VPS13B: variants seen among roughly 807,000 people sequenced by gnomAD.
The protein encoded by VPS13B is vacuolar protein sorting 13 homolog B.
VPS13B carries 285 observed loss-of-function variants against 426.4 expected under a neutral mutation model. The ratio of observed to expected loss-of-function variants is 0.67; its 90% CI spans 0.61 to 0.74. The LOEUF is 0.74. Among genes scored for constraint, VPS13B ranks in the 30% least tolerant of loss-of-function variants. The pLI, the probability that VPS13B is intolerant of heterozygous loss-of-function variation, is 0.00. For missense variants in VPS13B, 4,537 were observed against 4,782.6 expected, an observed-to-expected ratio of 0.95 and a Z score of 1.51; for synonymous variants, 1,676 against 1,676.4, an observed-to-expected ratio of 1.00 and a Z score of 0.01.
At chr8:99,774,895 G>C (rs1010830529) in intron 40 of VPS13B, among the ~76,000 whole-genome samples, 2 of 152,278 alleles carry the variant, frequency 1.3e-5, no homozygotes, top group African/African-American at 4.8e-5. Flanking sequence ...ATAACCTAGT[G>C]CTCCAGAGTC....
At chr8:99,797,606 T>C (rs936780740) in intron 43 of VPS13B, among the ~76,000 whole-genome samples, 1 of 152,176 alleles carries the variant, frequency 6.6e-6, no homozygotes, top group Non-Finnish European at 1.5e-5. Flanking sequence ...TAAGAGTAGC[T>C]CCTGGTCACA....
At chr8:99,282,571 T>G (rs1819223252) in intron 19 of VPS13B, among the ~76,000 whole-genome samples, 1 of 152,192 alleles carries the variant, frequency 6.6e-6, no homozygotes, top group African/African-American at 2.4e-5. Flanking sequence ...TTGATTTTGG[T>G]CCACCATTAA....
intron 33 of VPS13B, among the ~76,000 whole-genome samples, chr8:99,639,350 T>TGGACAA (rs1829206956): frequency 6.6e-6 from 1 of 152,166 alleles, no homozygotes; most frequent in Non-Finnish European, 1.5e-5. Flanking sequence ...AAATGTCACT[T>TGGACAA]ATCTTGATGG....
chr8:99,445,708 G>A (rs1817883172), intron 23 of VPS13B, among the ~76,000 whole-genome samples: 1 of 151,570 alleles, frequency 6.6e-6, no homozygotes, highest in South Asian at 2.1e-4. Context: ...ATTTAATGAT[G>A]TAGTAAATCA....
chr8:99,707,223 C>T (rs1832530373), intron 36 of VPS13B, among the ~76,000 whole-genome samples: 1 of 152,136 alleles, frequency 6.6e-6, no homozygotes, highest in South Asian at 2.1e-4. Context: ...TGCACCCCAG[C>T]CCTGCTACTT....
chr8:99,778,875 TGTG>T lies in VPS13B; in HGVS notation c.7627_7629del (p.Val2543del), dbSNP rs1811870870. On this transcript the variant is annotated inframe_deletion, in exon 42 of 62. Transcript: ENST00000357162. ...AGTGCAGAAATGTCACTATGCAAAG[TGTG>T]GTGAAACCCTTCAGCATCTTCGGGC... The T allele has an allele frequency of 1.9e-6, 3 of 1,613,914 alleles. No individual in the cohort carries two copies. The African/African-American group carries it at 4.0e-5, about 22-fold the overall frequency.
chr8:99,832,047 G>A (rs183554204), intron 51 of VPS13B, among the ~76,000 whole-genome samples: 1 of 152,236 alleles, frequency 6.6e-6, no homozygotes, highest in Non-Finnish European at 1.5e-5. Context: ...GATCACTTGA[G>A]GTCAGGAGTT....
chr8:99,808,171 G>T (rs2130782213), intron 43 of VPS13B, among the ~76,000 whole-genome samples: 1 of 152,156 alleles, frequency 6.6e-6, no homozygotes, highest in Admixed American at 6.5e-5. Context: ...AATTATATGT[G>T]ATATGAAAGA....
intron 51 of VPS13B, among the ~76,000 whole-genome samples, chr8:99,826,913 A>G (rs1814721625): frequency 6.6e-6 from 1 of 152,162 alleles, no homozygotes; most frequent in Admixed American, 6.5e-5. Context: ...CATCCCAGGA[A>G]TAAAGTTGAC....
intron 27 of VPS13B, among the ~76,000 whole-genome samples, chr8:99,506,482 TATTA>T (rs962728420): frequency 6.6e-6 from 1 of 152,246 alleles, no homozygotes; most frequent in Non-Finnish European, 1.5e-5. Context: ...TCAGATAATT[TATTA>T]ATTTATTAAA....
At chr8:99,765,091 C>A (rs1447346404) in intron 39 of VPS13B, among the ~76,000 whole-genome samples, 1 of 151,994 alleles carries the variant, frequency 6.6e-6, no homozygotes, top group African/African-American at 2.4e-5. Context: ...ACTAAAAATA[C>A]AAAAATTAGC....
At chr8:99,169,491 G>T (rs893066628) in intron 15 of VPS13B, among the ~76,000 whole-genome samples, 4 of 151,848 alleles carry the variant, frequency 2.6e-5, no homozygotes, top group Non-Finnish European at 5.9e-5. Flanking sequence ...GTTTTCTGGG[G>T]TTTAAAACCT....
At chr8:99,067,289 T>C (rs1342682221) in intron 3 of VPS13B, among the ~76,000 whole-genome samples, 1 of 152,158 alleles carries the variant, frequency 6.6e-6, no homozygotes, top group Non-Finnish European at 1.5e-5. Context: ...GTGGCACATA[T>C]ACACCATGGA....
At chr8:99,524,608 C>T (rs748242641) in intron 30 of VPS13B, among the ~76,000 whole-genome samples, 9 of 152,266 alleles carry the variant, frequency 5.9e-5, no homozygotes, top group Middle Eastern at 6.8e-3. Flanking sequence ...GCATAGGCAA[C>T]ATGATGAGAC....
intron 19 of VPS13B, among the ~76,000 whole-genome samples, chr8:99,330,603 TTATC>T (rs1364879982): frequency 1.3e-5 from 2 of 151,904 alleles, no homozygotes; most frequent in Non-Finnish European, 2.9e-5. Context: ...TCAATTTTGT[TTATC>T]TAAGCACTTA....
chr8:99,023,943 A>C (rs1842022307), intron 2 of VPS13B, among the ~76,000 whole-genome samples: 1 of 152,206 alleles, frequency 6.6e-6, no homozygotes, highest in Non-Finnish European at 1.5e-5. Context: ...GCTGGATTAT[A>C]TCTAGTTCTA....
At position 99,577,566 on chromosome 8, in the gene VPS13B, T is replaced by C. The variant is rs746062994; in HGVS notation, c.5153T>C (p.Val1718Ala). The C allele has an allele frequency of 1.9e-6, 3 of 1,613,874 alleles. No individual in the cohort carries two copies. The Admixed American group carries it at 5.0e-5, about 27-fold the overall frequency. The change falls in exon 33 of 62, where the codon GTT becomes GCT. Residue 1718 changes from valine (V) to alanine (A), a missense_variant. Around this residue, in one of 2 missense-constraint regions of VPS13B, gnomAD observed 4,311 missense variants for 4,474.3 expected, o/e 0.96. Coordinates refer to ENST00000357162, the MANE Select transcript of VPS13B (RefSeq NM_152564.5). Reference sequence around the variant, plus strand: ...GACTTCTTCCTAAGTGTGGCTCAAGTTCAACTCTTACATCAGTTAATAGTA... The same window carrying C: ...GACTTCTTCCTAAGTGTGGCTCAAGCTCAACTCTTACATCAGTTAATAGTA... ...NLDFFLSVAQ[V>A]QLLHQLIVAN...
chr8:99,577,809 G>T, intron 33 of VPS13B, 176 bp downstream of exon 33: 1 of 927,562 alleles, frequency 1.1e-6, no homozygotes, highest in Non-Finnish European at 1.6e-6. Flanking sequence ...AAATTTGTTT[G>T]GTCTCTATTC....
At chr8:99,844,389 G>A (rs1436511127) in intron 54 of VPS13B, among the ~76,000 whole-genome samples, 1 of 147,352 alleles carries the variant, frequency 6.8e-6, no homozygotes, top group Admixed American at 6.8e-5. Flanking sequence ...TTGAGACGGA[G>A]TTTCACTCTT....
Sources: gnomAD v4.1 joint callset for allele counts (sites outside exome capture counted in the v4.1 genomes callset) on GRCh38, gnomAD v4.1.1 for gene constraint, gnomAD v4.1.1 regional missense constraint, MANE v1.5 for transcripts, NCBI Gene and HGNC (gene_info 2026-07-23, HGNC 2026-07-21) for gene names.